Variants in FMNL3 observed in about 807,000 individuals in gnomAD.
FMNL3 encodes formin like 3.
In FMNL3, 57 loss-of-function variants were observed where a neutral mutation model predicts 119.6. The ratio of observed to expected loss-of-function variants is 0.48; its 90% CI spans 0.39 to 0.59. The LOEUF is 0.59. FMNL3 is among the 20% of genes least tolerant of loss of function. The pLI is 0.00. For synonymous variants in FMNL3, 491 were observed against 507.3 expected, an observed-to-expected ratio of 0.97 and a Z score of 0.43; for missense variants, 1,053 against 1,323.5, an observed-to-expected ratio of 0.80 and a Z score of 3.17.
intron 1 of FMNL3, among the ~76,000 whole-genome samples, chr12:49,669,381 G>C (rs542471742): frequency 3.3e-5 from 5 of 152,192 alleles, no homozygotes; most frequent in Non-Finnish European, 5.9e-5. Context: ...GACTGAATAA[G>C]GTACGAGAGA....
chr12:49,657,086 T>C lies in FMNL3; in HGVS notation c.710A>G (p.Tyr237Cys). 1.2e-6 allele frequency: 2 copies of C among 1,613,988 alleles called. No individual in the cohort carries two copies. The highest frequency in any genetic ancestry group is 1.7e-6 in the Non-Finnish European group (2 of 1,179,860). ...CILCLRAIMN[Y>C]QYGFNLVMSH... ...TGGCTAGTGCTTCCCCCTTACCTGA[T>C]AGTTCATGATGGCTCTGAGACAAAG... Residue 237 changes from tyrosine (Y) to cysteine (C), a missense_variant, in exon 7 of 26, where the codon TAT (tyrosine) becomes TGT (cysteine). Around this residue, in one of 4 missense-constraint regions of FMNL3, gnomAD observed 445 missense variants for 628.4 expected, o/e 0.71. Transcript: ENST00000335154.
chr12:49,652,885 GC>G (rs1161790741), intron 13 of FMNL3, among the ~76,000 whole-genome samples: 7 of 152,178 alleles, frequency 4.6e-5, no homozygotes, highest in African/African-American at 1.7e-4. Flanking sequence ...CTCTGCCCCT[GC>G]TCATTAAACA....
Position 49,646,822 on chromosome 12 carries a change from G to T in FMNL3, c.2995+64C>A, listed in dbSNP as rs902291213. ...GTGGGGTGGGAGGAGAGCCCAAAGG[G>T]GTTAGGTTGAGCTTTGGGAGCTGGG... On this transcript the variant is annotated intron_variant, in intron 25 of 25. Coordinates refer to ENST00000335154, the MANE Select transcript of FMNL3 (RefSeq NM_175736.5). The T allele has an allele frequency of 8.1e-6, 13 of 1,608,812 alleles. No individual in the cohort carries two copies. The African/African-American group carries it at 1.5e-4, about 18-fold the overall frequency.
rs532480744 is a variant in FMNL3, at chr12:49,706,471, G to A, written c.126+584C>T. 3.9e-5 allele frequency among the ~76,000 whole-genome samples: 6 copies of A among 152,346 alleles called. No homozygotes were observed. In the South Asian group the frequency reaches 1.2e-3, roughly 32 times the overall value. ...TCCACTCTAACTTAGCAGGATGCCT[G>A]CAGGCCGTTCTGAAAATAAGCAGAA... On this transcript the variant is annotated intron_variant, in intron 1 of 25. Transcript: ENST00000335154.
Position 49,636,899 on chromosome 12 carries a change from C to T in FMNL3, c.*8916G>A, listed in dbSNP as rs1229907742. 1 of 1,610,380 alleles carries T rather than the reference C, an allele frequency of 6.2e-7. No homozygotes were observed. The highest frequency in any genetic ancestry group is 1.1e-5 in the South Asian group (1 of 90,952). ...CAGAGCTCAGCTCTGCCCTAGAGCA[C>T]AACCTCTTCACCCATTCCCTGCCCC... is the stretch of plus-strand genomic sequence containing the variant. On this transcript the variant is annotated 3_prime_UTR_variant, in exon 26 of 26. Coordinates refer to ENST00000335154, the MANE Select transcript of FMNL3 (RefSeq NM_175736.5).
Position 49,654,974 on chromosome 12 carries a change from T to A in FMNL3, c.896A>T (p.Glu299Val). The change falls in exon 10 of 26, where the codon GAG becomes GTG. Residue 299 changes from glutamate to valine, a missense_variant. Physicochemically the swap from Glu to Val is moderately radical, Grantham distance 121. This residue lies in a region of FMNL3 where 445 missense variants were observed against 628.4 expected (regional missense o/e 0.71). Transcript: ENST00000335154. ...AFDNFKEVCKELHRFEKLMEY... is the reference protein window; with the variant it reads ...AFDNFKEVCKVLHRFEKLMEY... ...CATCAGCTTCTCAAAGCGGTGCAGCTCCTTGCATACCTGAATGAGCAAACT... is the reference window on the plus strand; with the variant it reads ...CATCAGCTTCTCAAAGCGGTGCAGCACCTTGCATACCTGAATGAGCAAACT... 1 of 1,614,070 alleles carries A rather than the reference T, an allele frequency of 6.2e-7. No individual in the cohort carries two copies. Among genetic ancestry groups the A allele is most frequent in the Non-Finnish European group, 8.5e-7 (1 of 1,179,998 alleles).
chr12:49,648,388 G>A (rs1484043561), intron 21 of FMNL3, 35 bp from the exon 22 acceptor site: 1 of 1,588,070 alleles, frequency 6.3e-7, no homozygotes, highest in South Asian at 1.1e-5. Context: ...GAATGCCTAG[G>A]GCCTGGCATG....
intron 1 of FMNL3, among the ~76,000 whole-genome samples, chr12:49,688,113 A>C (rs1944514098): frequency 6.6e-6 from 1 of 152,258 alleles, no homozygotes; most frequent in African/African-American, 2.4e-5. Flanking sequence ...GGCTCAGGCC[A>C]CTGGGAGGCA....
At chr12:49,680,004 T>A (rs909600718) in intron 1 of FMNL3, among the ~76,000 whole-genome samples, 1 of 152,252 alleles carries the variant, frequency 6.6e-6, no homozygotes, top group Non-Finnish European at 1.5e-5. Context: ...CTCATATTGT[T>A]ATTCATTTTT....
chr12:49,694,100 G>A (rs1944688287), intron 1 of FMNL3, among the ~76,000 whole-genome samples: 1 of 151,666 alleles, frequency 6.6e-6, no homozygotes, highest in Non-Finnish European at 1.5e-5. Context: ...TTTTATTTTT[G>A]TAGAGACAGG....
Position 49,647,098 on chromosome 12 carries a change from C to T in FMNL3, c.2872-89G>A. On this transcript the variant is annotated intron_variant, in intron 24 of 25. Coordinates refer to ENST00000335154, the MANE Select transcript of FMNL3 (RefSeq NM_175736.5). The surrounding 1 kb of genome is among the most constrained non-coding windows in gnomAD (Gnocchi z 4.9). ...CCCAAGGTGCAGTCTGAGGATGCCA[C>T]TGCTTGTGCACTGCTAGGAATCCCC... is the stretch of plus-strand genomic sequence containing the variant. 1 of 1,595,048 alleles carries T rather than the reference C, an allele frequency of 6.3e-7. No individual in the cohort carries two copies. The highest frequency in any genetic ancestry group is 1.3e-5 in the African/African-American group (1 of 74,690).
intron 1 of FMNL3, chr12:49,688,566 T>C (rs1944525879): frequency 2.2e-6 from 1 of 455,518 alleles, no homozygotes; most frequent in Non-Finnish European, 4.4e-6. Context: ...GTTCTCTTCC[T>C]AGAAAACTCA....
At chr12:49,663,184 T>C (rs1014141213) in intron 4 of FMNL3, among the ~76,000 whole-genome samples, 3 of 152,200 alleles carry the variant, frequency 2.0e-5, no homozygotes, top group Non-Finnish European at 4.4e-5. Context: ...GTCTGTCTGC[T>C]CTCCAGCTCC....
intron 1 of FMNL3, among the ~76,000 whole-genome samples, chr12:49,683,572 TC>T (rs1410802666): frequency 6.6e-6 from 1 of 152,084 alleles, no homozygotes; most frequent in Admixed American, 6.6e-5. Flanking sequence ...TATTTGACTG[TC>T]CCATCATCTC....
chr12:49,661,801 C>T (rs1013132918), intron 5 of FMNL3, 165 bp downstream of exon 5: 11 of 650,442 alleles, frequency 1.7e-5, no homozygotes, highest in African/African-American at 7.3e-5. Context: ...CAGACATCTC[C>T]GGGCTTGCCT....
chr12:49,663,029 CCA>C (rs769635483), intron 4 of FMNL3, among the ~76,000 whole-genome samples: 24 of 152,324 alleles, frequency 1.6e-4, no homozygotes, highest in Non-Finnish European at 2.2e-4. Context: ...TGTTGGCCAG[CCA>C]CACCCCAAAC....
At position 49,649,457 on chromosome 12, in the gene FMNL3, AACCTCTTCCC is replaced by A. The variant is rs1565866147; in HGVS notation, c.2304+3_2304+12del. On this transcript the variant is annotated splice_donor_5th_base_variant and intron_variant, in intron 19 of 25. Coordinates refer to ENST00000335154, the MANE Select transcript of FMNL3 (RefSeq NM_175736.5). The surrounding 1 kb of genome is among the most constrained non-coding windows in gnomAD (Gnocchi z 5.6). ...GAAAACCCCCAGCACCCCTGTTCAC[AACCTCTTCCC>A]ACCTCCAACATCTGCTTCAGCTTCT... 2.5e-6 allele frequency: 4 copies of A among 1,614,054 alleles called. No individual in the cohort carries two copies. The highest frequency in any genetic ancestry group is 3.4e-6 in the Non-Finnish European group (4 of 1,180,032).
intron 4 of FMNL3, among the ~76,000 whole-genome samples, chr12:49,663,318 T>G (rs1592659910): frequency 6.6e-6 from 1 of 152,294 alleles, no homozygotes; most frequent in South Asian, 2.1e-4. Context: ...AAAGAGGAGC[T>G]GGAGAGGCTC....
chr12:49,688,705 T>G, intron 1 of FMNL3: 1 of 337,392 alleles, frequency 3.0e-6, no homozygotes, highest in African/African-American at 2.1e-5. Flanking sequence ...ACTACAGTAG[T>G]GGTAGTACAG....
Sources: allele counts gnomAD v4.1 joint callset (sites outside exome capture counted in the v4.1 genomes callset), GRCh38; gene constraint gnomAD v4.1.1; regional missense constraint gnomAD v4.1.1; non-coding constraint Gnocchi (gnomAD v3.1); transcripts MANE v1.5; gene names NCBI Gene and HGNC (gene_info 2026-07-23, HGNC 2026-07-21).